The following MYO5A variants were observed in gnomAD, a reference collection of about 807,000 sequenced individuals.
The protein encoded by MYO5A is myosin VA.
MYO5A carries 98 observed loss-of-function variants against 249.7 expected under a neutral mutation model. That is an observed-to-expected ratio of 0.39 (90% CI 0.33 to 0.46). The LOEUF (loss-of-function observed/expected upper bound fraction) is 0.46. Ranked by LOEUF, MYO5A falls within the 20% of genes least tolerant of loss-of-function variation. MYO5A has a pLI of 0.98. For missense variants in MYO5A, 1,696 were observed against 2,308.8 expected, an observed-to-expected ratio of 0.73 and a Z score of 5.44; for synonymous variants, 778 against 810.6, an observed-to-expected ratio of 0.96 and a Z score of 0.68.
At chr15:52,472,207 T>G (rs187875506) in intron 1 of MYO5A, among the ~76,000 whole-genome samples, 3 of 152,040 alleles carry the variant, frequency 2.0e-5, no homozygotes, top group Admixed American at 1.3e-4. Flanking sequence ...GCCGCCCAAG[T>G]AGCTGGGACT....
At chr15:52,377,674 G>T (rs2041493282) in intron 18 of MYO5A, among the ~76,000 whole-genome samples, 1 of 150,134 alleles carries the variant, frequency 6.7e-6, no homozygotes, top group Non-Finnish European at 1.5e-5. Context: ...GGGTTCAAGC[G>T]ACACTCCTGC....
intron 28 of MYO5A, 105 bp from the exon 29 acceptor site, chr15:52,348,931 A>C: frequency 1.6e-6 from 2 of 1,242,162 alleles, no homozygotes; most frequent in Non-Finnish European, 2.3e-6. Flanking sequence ...GATAAAAGCT[A>C]ATTTAAAAAC....
intron 22 of MYO5A, 87 bp downstream of exon 22, chr15:52,370,082 C>T (rs2041025112): frequency 6.4e-7 from 1 of 1,550,556 alleles, no homozygotes; most frequent in South Asian, 1.1e-5. Context: ...TCTAATAAAA[C>T]CAACAGTGAG....
intron 2 of MYO5A, among the ~76,000 whole-genome samples, chr15:52,429,831 C>T (rs1183570291): frequency 1.3e-5 from 2 of 152,198 alleles, no homozygotes; most frequent in Admixed American, 1.3e-4. Flanking sequence ...TCTCGAACTC[C>T]TGGCCTCAAG....
At position 52,313,536 on chromosome 15, in the gene MYO5A, G is replaced by A; in HGVS notation, c.*160C>T. The stretch of plus-strand genomic sequence containing the variant: ...GAAAGAGCCTATCTTTGTTTCCAAA[G>A]TGATGAAAGTATTCTAGGGAGATTT... On this transcript the variant is annotated 3_prime_UTR_variant, in exon 42 of 42. Transcript: ENST00000399233. The A allele has an allele frequency of 1.1e-6, 1 of 933,746 alleles. No homozygotes were observed. The allele number at this position is 933,746 out of a possible 1,614,324, so 57.8% of individuals were successfully genotyped here.
At chr15:52,474,397 T>C (rs1165609474) in intron 1 of MYO5A, among the ~76,000 whole-genome samples, 3 of 152,314 alleles carry the variant, frequency 2.0e-5, no homozygotes, top group East Asian at 1.9e-4. Context: ...TCCTGCCTAA[T>C]TGCCCTGGCC....
intron 36 of MYO5A, chr15:52,323,973 C>T (rs867597523): frequency 1.6e-5 from 2 of 125,642 alleles, no homozygotes. Flanking sequence ...CACTGCACTC[C>T]AGCCTAGAGA....
At chr15:52,440,255 CT>C (rs1199287897) in intron 1 of MYO5A, among the ~76,000 whole-genome samples, 5 of 144,818 alleles carry the variant, frequency 3.5e-5, no homozygotes, top group South Asian at 2.3e-4. Context: ...CACCAGCCAT[CT>C]TTTTTTTTTC....
intron 1 of MYO5A, among the ~76,000 whole-genome samples, chr15:52,492,520 G>C (rs2076955025): frequency 6.6e-6 from 1 of 152,164 alleles, no homozygotes; most frequent in South Asian, 2.1e-4. Flanking sequence ...CTCCCAGAAG[G>C]AAAGCAAGTA....
At chr15:52,374,941 T>C (rs1298288887) in intron 20 of MYO5A, among the ~76,000 whole-genome samples, 1 of 152,204 alleles carries the variant, frequency 6.6e-6, no homozygotes, top group African/African-American at 2.4e-5. Flanking sequence ...TTTTTCCCAT[T>C]GTTTTGTTAA....
At chr15:52,452,686 C>T (rs988319879) in intron 1 of MYO5A, among the ~76,000 whole-genome samples, 14 of 151,740 alleles carry the variant, frequency 9.2e-5, no homozygotes, top group African/African-American at 3.1e-4. Flanking sequence ...GGGCAGCACT[C>T]AGATCATTTA....
In MYO5A at chr15:52,311,594, A is replaced by C. The variant is rs974751508; in HGVS notation, c.*2102T>G. ...AAATATAGTAGGACCTTCTAAAAGC[A>C]TGTACATAAATCATGTACATTTAAG... On this transcript the variant is annotated 3_prime_UTR_variant, in exon 42 of 42. Transcript: ENST00000399233. The C allele has an allele frequency of 1.3e-5, 2 of 152,260 alleles. No homozygotes were observed. The highest frequency in any genetic ancestry group is 4.8e-5 in the African/African-American group (2 of 41,464). 9.4% of individuals were successfully genotyped at this position (152,260 alleles called of 1,614,324 possible).
chr15:52,357,739 C>A (rs999916996), intron 25 of MYO5A, among the ~76,000 whole-genome samples: 1 of 152,186 alleles, frequency 6.6e-6, no homozygotes, highest in Non-Finnish European at 1.5e-5. Flanking sequence ...TCACTATACC[C>A]CATGAGCAAG....
chr15:52,336,438 C>T lies in MYO5A; in HGVS notation c.4408+25G>A, dbSNP rs373766153. 3.2e-5 allele frequency: 46 copies of T among 1,453,466 alleles called. No individual in the cohort carries two copies. The African/African-American group carries it at 5.3e-4, about 17-fold the overall frequency. 90.0% of individuals were successfully genotyped at this position (1,453,466 alleles called of 1,614,324 possible). On this transcript the variant is annotated intron_variant, in intron 34 of 41. Transcript: ENST00000399233. ...AAGACTCAAACCAAGACTCAGTGAC[C>T]GTCTTGAAAAAAAGGTTTAAATACC...
chr15:52,484,969 G>A (rs2453986), intron 1 of MYO5A, among the ~76,000 whole-genome samples: 119,804 of 152,056 alleles, frequency 0.79, 47,635 homozygotes, highest in South Asian at 0.85. Context: ...TGATCCGCCC[G>A]CCCTGGCCTC....
Position 52,416,519 on chromosome 15 carries a change from G to A in MYO5A, c.456-218C>T, listed in dbSNP as rs535931886. Among the ~76,000 whole-genome samples, 11 of 151,936 alleles carry A rather than the reference G, an allele frequency of 7.2e-5. No homozygotes were observed. In the East Asian group the frequency reaches 2.1e-3, roughly 29 times the overall value. On this transcript the variant is annotated intron_variant, in intron 4 of 41. Coordinates refer to ENST00000399233, the MANE Select transcript of MYO5A (RefSeq NM_001382347.1). ...TTTTTTTTAAGGAATCAGAGAGACC[G>A]ATGGGGTTGAGGAGGATATTTATTA... is the stretch of plus-strand genomic sequence containing the variant.
At chr15:52,420,747 T>C (rs1442532967) in intron 4 of MYO5A, among the ~76,000 whole-genome samples, 1 of 152,128 alleles carries the variant, frequency 6.6e-6, no homozygotes, top group African/African-American at 2.4e-5. Flanking sequence ...TAAAAAAGCA[T>C]GGAGCAAGAT....
At chr15:52,348,011 G>A (rs140077995) in intron 29 of MYO5A, among the ~76,000 whole-genome samples, 30 of 152,294 alleles carry the variant, frequency 2.0e-4, no homozygotes, top group African/African-American at 7.2e-4. Flanking sequence ...ACATGGTATG[G>A]TTGTGAACTT....
chr15:52,459,720 C>T (rs112807526), intron 1 of MYO5A, among the ~76,000 whole-genome samples: 22,772 of 152,002 alleles, frequency 0.15, 1,790 homozygotes, highest in Middle Eastern at 0.22. Context: ...GGCAGAGGGG[C>T]TCCTCACTTC....
Sources: allele counts gnomAD v4.1 joint callset (sites outside exome capture counted in the v4.1 genomes callset), GRCh38; gene constraint gnomAD v4.1.1; transcripts MANE v1.5; gene names NCBI Gene and HGNC (gene_info 2026-07-23, HGNC 2026-07-21).